Variants in IHO1 observed in about 807,000 individuals in gnomAD.
IHO1 encodes interactor of HORMAD1 1, also known as interactor of HORMAD1 protein 1.
A neutral mutation model predicts 31.0 loss-of-function variants in IHO1; 13 were observed. That is an observed-to-expected ratio of 0.42 (90% CI 0.27 to 0.67). The LOEUF (loss-of-function observed/expected upper bound fraction) is 0.67, where lower values mean the gene tolerates loss of function less well. Among genes scored for constraint, IHO1 ranks in the 30% least tolerant of loss-of-function variants. The probability of loss-of-function intolerance (pLI) is 0.24; values close to 1 mark genes in which losing one functional copy is unlikely to be tolerated. For missense variants in IHO1, 599 were observed against 687.5 expected (o/e 0.87, Z 1.44); for synonymous variants, 221 against 248.4 (o/e 0.89, Z 1.04).
At chr3:49,191,541 T>G in the IHO1 span, 2 of 690,464 alleles carry the variant, frequency 2.9e-6, no homozygotes, top group Non-Finnish European at 5.3e-6. Flanking sequence ...GAGACCATGA[T>G]GCATGGAAGG....
At position 49,244,737 on chromosome 3, in the gene IHO1, A is replaced by G. The variant is rs769115964; in HGVS notation, c.532+4A>G. The G allele has an allele frequency of 1.9e-6, 3 of 1,612,124 alleles. No homozygotes were observed. The highest frequency in any genetic ancestry group is 3.3e-5 in the Admixed American group (2 of 60,008). On this transcript the variant is annotated splice_donor_region_variant and intron_variant, in intron 6 of 7. Transcript: ENST00000452691. Reference sequence around the variant, plus strand: ...TTGGAGACTGTGGCCAAGACATGTGAGTGCCTCATGTTTGAGGTATCAGCA... The same window carrying G: ...TTGGAGACTGTGGCCAAGACATGTGGGTGCCTCATGTTTGAGGTATCAGCA...
chr3:49,200,640 TC>T, intron 1 of IHO1: 1 of 840,472 alleles, frequency 1.2e-6, no homozygotes, highest in Non-Finnish European at 1.4e-6. Flanking sequence ...CCAGGGCCCT[TC>T]CCTTGTATAT....
At position 49,238,113 on chromosome 3, in the gene IHO1, G is replaced by A. The variant is rs148777100; in HGVS notation, c.231+1391G>A. Among the ~76,000 whole-genome samples, 886 of 151,634 alleles carry A rather than the reference G, an allele frequency of 5.8e-3. 9 individuals are homozygous for A. The highest frequency in any genetic ancestry group is 0.02 in the African/African-American group (843 of 41,318). ...AGAGACAGTGTTTCTCCATGTTGGC[G>A]GGCTAGTCTTGAGCTCCTAACCTCA... is the stretch of plus-strand genomic sequence containing the variant. On this transcript the variant is annotated intron_variant, in intron 3 of 7. Transcript: ENST00000452691.
intron 2 of IHO1, among the ~76,000 whole-genome samples, chr3:49,222,773 A>C (rs2046369502): frequency 6.6e-6 from 1 of 152,100 alleles, no homozygotes; most frequent in African/African-American, 2.4e-5. Context: ...CAAGTCCTCC[A>C]ATGGTTCGCA....
At chr3:49,246,519 A>T (rs1027823007) in intron 6 of IHO1, among the ~76,000 whole-genome samples, 18 of 151,568 alleles carry the variant, frequency 1.2e-4, no homozygotes, top group African/African-American at 4.1e-4. Context: ...GTGGTGGCAG[A>T]CACCTGTAAT....
chr3:49,202,321 T>C (rs561065752), intron 1 of IHO1, among the ~76,000 whole-genome samples: 12 of 149,996 alleles, frequency 8.0e-5, no homozygotes, highest in African/African-American at 2.7e-4. Flanking sequence ...TACTTCTTTT[T>C]AATTTTTTTT....
At chr3:49,244,814 CAGTGGTG>C in intron 6 of IHO1, 81 bp downstream of exon 6, 1 of 1,245,306 alleles carries the variant, frequency 8.0e-7, no homozygotes, top group Non-Finnish European at 1.2e-6. Flanking sequence ...GCCTGGTTTC[CAGTGGTG>C]AGGTTCCTCA....
chr3:49,241,398 A>G lies in IHO1; in HGVS notation c.395+9A>G. The G allele has an allele frequency of 6.3e-7, 1 of 1,589,330 alleles. No homozygotes were observed. Among genetic ancestry groups the G allele is most frequent in the Non-Finnish European group, 8.5e-7 (1 of 1,169,628 alleles). ...AAAGACAAATGTGACAGGTATGTAA[A>G]CCTTTCAAATGGATGAAAGAACTCA... is the stretch of plus-strand genomic sequence containing the variant. On this transcript the variant is annotated intron_variant, in intron 4 of 7. Transcript: ENST00000452691.
chr3:49,230,232 T>G (rs1269879816), intron 2 of IHO1, among the ~76,000 whole-genome samples: 1 of 152,164 alleles, frequency 6.6e-6, no homozygotes. Flanking sequence ...AATTCTCCAG[T>G]CTTTGTTATT....
intron 3 of IHO1, among the ~76,000 whole-genome samples, chr3:49,238,789 G>A (rs1326759197): frequency 6.6e-6 from 1 of 152,116 alleles, no homozygotes; most frequent in Non-Finnish European, 1.5e-5. Flanking sequence ...AAGTAACCTT[G>A]AGTATCACTA....
Position 49,257,222 on chromosome 3 carries a change from G to C in IHO1, c.1725G>C (p.Glu575Asp). 6.2e-7 allele frequency: 1 copy of C among 1,614,186 alleles called. No homozygotes were observed. The highest frequency in any genetic ancestry group is 8.5e-7 in the Non-Finnish European group (1 of 1,180,030). Residue 575 changes from glutamate to aspartate, a missense_variant, in exon 8 of 8, where the codon GAG becomes GAC. Physicochemically the swap from Glu to Asp is conservative, Grantham distance 45 (BLOSUM62 2). Transcript: ENST00000452691. ...GTTCAGAGACCCCTCTATGCAAGGA[G>C]GCAGGAAAGAATTTGCTCTATGACC... ...LGCSETPLCKEAGKNLLYDLG... is the reference protein window; with the variant it reads ...LGCSETPLCKDAGKNLLYDLG...
intron 2 of IHO1, among the ~76,000 whole-genome samples, chr3:49,222,923 G>T (rs746150470): frequency 5.9e-5 from 9 of 152,264 alleles, no homozygotes; most frequent in Admixed American, 3.3e-4. Context: ...AGTGGGGTTA[G>T]AAAGGATTAC....
At chr3:49,227,728 C>A (rs772632198) in intron 2 of IHO1, among the ~76,000 whole-genome samples, 6 of 152,096 alleles carry the variant, frequency 3.9e-5, no homozygotes, top group Non-Finnish European at 7.4e-5. Context: ...GTTATGCCCC[C>A]AAAATGAAAT....
At chr3:49,243,871 A>G (rs2046662669) in intron 4 of IHO1, among the ~76,000 whole-genome samples, 1 of 151,490 alleles carries the variant, frequency 6.6e-6, no homozygotes, top group African/African-American at 2.4e-5. Context: ...AAATATGTAT[A>G]TGAATATGGA....
At chr3:49,254,385 T>C (rs965810626) in intron 6 of IHO1, among the ~76,000 whole-genome samples, 2 of 152,038 alleles carry the variant, frequency 1.3e-5, no homozygotes, top group Non-Finnish European at 2.9e-5. Flanking sequence ...CCAAGTCTAT[T>C]TGGGTCCAAG....
At position 49,202,486 on chromosome 3, in the gene IHO1, C is replaced by T. The variant is rs543640377; in HGVS notation, c.-16+2913C>T. On this transcript the variant is annotated intron_variant, in intron 1 of 7. Coordinates refer to ENST00000452691, the MANE Select transcript of IHO1 (RefSeq NM_001135197.2). ...GACCACAGGTGCCTGACACCATGCCCGGCTAATTTTGTGTGTGTGTGTGTG... is the reference window on the plus strand; with the variant it reads ...GACCACAGGTGCCTGACACCATGCCTGGCTAATTTTGTGTGTGTGTGTGTG... Among the ~76,000 whole-genome samples the T allele has an allele frequency of 7.5e-5, 11 of 145,738 alleles. No individual in the cohort carries two copies. In the South Asian group the frequency reaches 1.7e-3, roughly 23 times the overall value.
upstream of IHO1, among the ~76,000 whole-genome samples, chr3:49,195,150 T>G (rs997000473): frequency 1.3e-5 from 2 of 152,276 alleles, no homozygotes; most frequent in East Asian, 3.9e-4. Context: ...CTGGCTGCAG[T>G]GGCTCTTGCC....
intron 6 of IHO1, 72 bp from the exon 7 acceptor site, chr3:49,255,310 GCTGTGGTT>G (rs1445061460): frequency 1.0e-6 from 1 of 956,292 alleles, no homozygotes; most frequent in African/African-American, 1.7e-5. Flanking sequence ...CCTTTTCACT[GCTGTGGTT>G]CTGTGGTTTG....
intron 4 of IHO1, 45 bp from the exon 5 acceptor site, chr3:49,244,359 C>A: frequency 8.7e-7 from 1 of 1,151,824 alleles, no homozygotes; most frequent in South Asian, 1.3e-5. Flanking sequence ...CTTATCACTT[C>A]AATATTTCAT....
Sources: gnomAD v4.1 joint callset for allele counts (sites outside exome capture counted in the v4.1 genomes callset) on GRCh38, gnomAD v4.1.1 for gene constraint, MANE v1.5 for transcripts, NCBI Gene and HGNC (gene_info 2026-07-23, HGNC 2026-07-21) for gene names.